USP43: variants seen among roughly 807,000 people sequenced by gnomAD.
USP43 encodes ubiquitin specific peptidase 43, also known as ubiquitin carboxyl-terminal hydrolase 43.
A neutral mutation model predicts 90.7 loss-of-function variants in USP43; 33 were observed. The ratio of observed to expected loss-of-function variants is 0.36; its 90% confidence interval spans 0.28 to 0.49. The LOEUF is 0.49. Among genes scored for constraint, USP43 ranks in the 20% least tolerant of loss-of-function variants. The pLI is 0.98. For missense variants in USP43, 1,274 were observed against 1,476.4 expected, an observed-to-expected ratio of 0.86 and a Z score of 2.25; for synonymous variants, 598 against 615.8, an observed-to-expected ratio of 0.97 and a Z score of 0.43.
At chr17:9,650,995 CTCGAGTCACCAAAGT>C (rs1473441586) in intron 1 of USP43, among the ~76,000 whole-genome samples, 2 of 152,080 alleles carry the variant, frequency 1.3e-5, no homozygotes, top group Non-Finnish European at 2.9e-5. Context: ...TACCCTTCCC[CTCGAGTCACCAAAGT>C]TCATTATATT....
chr17:9,675,831 C>G (rs761626768), intron 4 of USP43, among the ~76,000 whole-genome samples: 1 of 152,196 alleles, frequency 6.6e-6, no homozygotes, highest in African/African-American at 2.4e-5. Context: ...ATCAGTGACA[C>G]CATCAGATAA....
At chr17:9,668,498 T>G (rs1009511949) in intron 3 of USP43, among the ~76,000 whole-genome samples, 2 of 152,220 alleles carry the variant, frequency 1.3e-5, no homozygotes, top group African/African-American at 4.8e-5. Flanking sequence ...GAAGACCAAA[T>G]AGTCTTTGAA....
intron 10 of USP43, among the ~76,000 whole-genome samples, 163 bp from the exon 11 acceptor site, chr17:9,700,956 C>T (rs1915529286): frequency 6.6e-6 from 1 of 152,136 alleles, no homozygotes; most frequent in South Asian, 2.1e-4. Context: ...AAATATAGTG[C>T]TGAGTCAGAA....
In USP43 at chr17:9,645,815, C is replaced by T; in HGVS notation, c.183C>T (p.Phe61=). 7.2e-7 allele frequency: 1 copy of T among 1,389,964 alleles called. No individual in the cohort carries two copies. 86.1% of individuals were successfully genotyped at this position (1,389,964 alleles called of 1,614,324 possible). A position where few individuals can be genotyped will look rare whatever the true frequency, so the allele number is the denominator to read the frequency against. The part of the protein sequence containing the change: ...GHCDGDGEGG[F]ACAPGPVPAA... ...GTGATGGCGACGGTGAGGGGGGCTTCGCCTGCGCCCCGGGCCCAGTTCCAG... is the reference window on the plus strand; with the variant it reads ...GTGATGGCGACGGTGAGGGGGGCTTTGCCTGCGCCCCGGGCCCAGTTCCAG... Residue 61 remains phenylalanine (F), a synonymous_variant, in exon 1 of 15, where the codon TTC becomes TTT. Coordinates refer to ENST00000285199, the MANE Select transcript of USP43 (RefSeq NM_153210.5). This position sits in a 1 kb window ranked among gnomAD's most constrained non-coding sequence, Gnocchi z 6.8.
chr17:9,727,929 C>A, intron 14 of USP43, 25 bp from the exon 15 acceptor site: 1 of 1,579,668 alleles, frequency 6.3e-7, no homozygotes, highest in South Asian at 1.2e-5. Flanking sequence ...GGCTTGTACA[C>A]TGACAGTCTC....
At chr17:9,715,456 AAAAC>A (rs993721744) in intron 14 of USP43, among the ~76,000 whole-genome samples, 15 of 152,184 alleles carry the variant, frequency 9.9e-5, no homozygotes, top group Non-Finnish European at 2.1e-4. Context: ...TTGTCTCAAA[AAAAC>A]AAACAAAAAA....
chr17:9,718,870 T>C (rs896411442), intron 14 of USP43, among the ~76,000 whole-genome samples: 17 of 151,194 alleles, frequency 1.1e-4, no homozygotes, highest in Non-Finnish European at 2.5e-4. Flanking sequence ...AAAGAATCCG[T>C]TTCTATGCAG....
chr17:9,677,866 T>C (rs1274742376), intron 5 of USP43, among the ~76,000 whole-genome samples: 2 of 152,192 alleles, frequency 1.3e-5, no homozygotes, highest in African/African-American at 2.4e-5. Context: ...TACATTCCTA[T>C]AACCTCCACG....
At chr17:9,724,301 G>C (rs887358001) in intron 14 of USP43, among the ~76,000 whole-genome samples, 5 of 152,136 alleles carry the variant, frequency 3.3e-5, no homozygotes, top group African/African-American at 1.2e-4. Context: ...GAGGAAAGTT[G>C]GGGGGTAGGC....
intron 14 of USP43, among the ~76,000 whole-genome samples, chr17:9,720,375 T>G (rs1230392929): frequency 6.6e-6 from 1 of 151,084 alleles, no homozygotes; most frequent in African/African-American, 2.4e-5. Context: ...CTTTTTTTTT[T>G]TTTTAATTCT....
Position 9,645,595 on chromosome 17 carries a change from C to T in USP43, c.-38C>T, listed in dbSNP as rs867794047. 5.1e-6 allele frequency: 6 copies of T among 1,181,004 alleles called. No homozygotes were observed. The highest frequency in any genetic ancestry group is 5.2e-6 in the Non-Finnish European group (5 of 955,986). 73.2% of individuals were successfully genotyped at this position (1,181,004 alleles called of 1,614,324 possible). A position where few individuals can be genotyped will look rare whatever the true frequency, so the allele number is the denominator to read the frequency against. The stretch of plus-strand genomic sequence containing the variant: ...TGCTGGCCGCTCGTCCGCCTCGCGC[C>T]CGGGGGCTCCGCGCCTGGAGCTGCG... On this transcript the variant is annotated 5_prime_UTR_variant, in exon 1 of 15. Transcript: ENST00000285199. This position sits in a 1 kb window ranked among gnomAD's most constrained non-coding sequence, Gnocchi z 6.8.
intron 3 of USP43, among the ~76,000 whole-genome samples, chr17:9,667,547 G>T (rs539235165): frequency 4.6e-5 from 7 of 152,210 alleles, no homozygotes; most frequent in Non-Finnish European, 1.0e-4. Flanking sequence ...CAGTGAAAGC[G>T]CTGACAGCAG....
At chr17:9,696,740 C>T (rs1343351189) in intron 9 of USP43, among the ~76,000 whole-genome samples, 1 of 152,222 alleles carries the variant, frequency 6.6e-6, no homozygotes, top group East Asian at 1.9e-4. Flanking sequence ...CTCCCAGTGC[C>T]CACGGGATAA....
chr17:9,645,974 G>T lies in USP43; in HGVS notation c.342G>T (p.Ala114=). 3 of 1,476,834 alleles carry T rather than the reference G, an allele frequency of 2.0e-6. No individual in the cohort carries two copies. The highest frequency in any genetic ancestry group is 2.7e-6 in the Non-Finnish European group (3 of 1,117,192). The allele number at this position is 1,476,834 out of a possible 1,614,324, so 91.5% of individuals were successfully genotyped here. Residue 114 remains alanine (A), a synonymous_variant, in exon 1 of 15, where the codon GCG becomes GCT. Coordinates refer to ENST00000285199, the MANE Select transcript of USP43 (RefSeq NM_153210.5). The surrounding 1 kb of genome is among the most constrained non-coding windows in gnomAD (Gnocchi z 6.8). The part of the protein sequence containing the change: ...KNHGNTCFMN[A]VVQCLSNTDL... The stretch of plus-strand genomic sequence containing the variant: ...ACGGCAACACCTGTTTCATGAACGC[G>T]GTGGTGCAGTGTCTCAGCAACACCG...
chr17:9,657,061 C>A (rs567476416), intron 2 of USP43, among the ~76,000 whole-genome samples: 4 of 152,324 alleles, frequency 2.6e-5, no homozygotes, highest in African/African-American at 4.8e-5. Context: ...GTCATAAGCA[C>A]AGCTAATTGA....
intron 3 of USP43, chr17:9,669,606 A>G (rs1404427351): frequency 6.6e-6 from 1 of 152,252 alleles, no homozygotes; most frequent in Admixed American, 6.5e-5. Context: ...GATAATGTAC[A>G]AGTAAACAAC....
chr17:9,688,282 C>A (rs538549477), intron 8 of USP43, among the ~76,000 whole-genome samples: 1 of 151,616 alleles, frequency 6.6e-6, no homozygotes, highest in Non-Finnish European at 1.5e-5. Flanking sequence ...CCACCGTGCC[C>A]GGCCAGATGA....
At chr17:9,664,501 G>A (rs1353041127) in intron 2 of USP43, among the ~76,000 whole-genome samples, 3 of 152,134 alleles carry the variant, frequency 2.0e-5, no homozygotes, top group Non-Finnish European at 2.9e-5. Context: ...ACAGGTGCAC[G>A]ATGTATCTAT....
intron 14 of USP43, among the ~76,000 whole-genome samples, chr17:9,719,356 G>A (rs1243713376): frequency 1.3e-5 from 2 of 152,150 alleles, no homozygotes; most frequent in Non-Finnish European, 2.9e-5. Flanking sequence ...CAGATGTGAG[G>A]CACAGCTCTA....
Sources: allele counts gnomAD v4.1 joint callset (sites outside exome capture counted in the v4.1 genomes callset), GRCh38; gene constraint gnomAD v4.1.1; non-coding constraint Gnocchi (gnomAD v3.1); transcripts MANE v1.5; gene names NCBI Gene and HGNC (gene_info 2026-07-23, HGNC 2026-07-21).